The following GPC6 variants were observed in gnomAD, a reference collection of about 807,000 sequenced individuals.
GPC6 encodes the protein glypican-6.
In GPC6, 14 loss-of-function variants were observed where a neutral mutation model predicts 55.2. That is an observed-to-expected ratio of 0.25 (90% confidence interval 0.17 to 0.40). The LOEUF (loss-of-function observed/expected upper bound fraction) is 0.40. Among genes scored for constraint, GPC6 ranks in the 10% least tolerant of loss-of-function variants. The pLI is 1.00. For missense variants in GPC6, 641 were observed against 708.5 expected, an observed-to-expected ratio of 0.90 and a Z score of 1.08; for synonymous variants, 278 against 259.6, an observed-to-expected ratio of 1.07 and a Z score of -0.68.
chr13:93,515,467 T>G (rs1023764055), intron 1 of GPC6, among the ~76,000 whole-genome samples: 1 of 152,230 alleles, frequency 6.6e-6, no homozygotes. Flanking sequence ...CAGCAATTTC[T>G]TTTGGAGATG....
Position 93,879,587 on chromosome 13 carries a change from G to A in GPC6, c.711+49042G>A, listed in dbSNP as rs867163594. On this transcript the variant is annotated intron_variant, in intron 3 of 8. Transcript: ENST00000377047. ...TTCAAGATGGATTAAAGACTTAAAC[G>A]TTAGACCTAAAACCATAAAAACCCT... 2.7e-4 allele frequency among the ~76,000 whole-genome samples: 41 copies of A among 151,104 alleles called. No homozygotes were observed. The South Asian group carries it at 5.2e-3, about 19-fold the overall frequency.
intron 6 of GPC6, among the ~76,000 whole-genome samples, chr13:94,358,744 C>A (rs1281054182): frequency 2.6e-5 from 4 of 152,288 alleles, no homozygotes; most frequent in African/African-American, 9.6e-5. Flanking sequence ...TATGCCTTAA[C>A]CATTTTTGAT....
intron 4 of GPC6, among the ~76,000 whole-genome samples, chr13:94,117,725 A>G (rs1389407336): frequency 6.6e-6 from 1 of 152,114 alleles, no homozygotes; most frequent in Middle Eastern, 3.2e-3. Context: ...CCATGGACCA[A>G]CGGTCAATTC....
chr13:94,369,408 G>T (rs1879431148), intron 6 of GPC6, among the ~76,000 whole-genome samples: 1 of 152,200 alleles, frequency 6.6e-6, no homozygotes, highest in African/African-American at 2.4e-5. Flanking sequence ...AGACAGCCAT[G>T]GGCTGAAGGA....
At chr13:94,381,946 A>G (rs1309641327) in intron 6 of GPC6, among the ~76,000 whole-genome samples, 1 of 152,262 alleles carries the variant, frequency 6.6e-6, no homozygotes, top group Non-Finnish European at 1.5e-5. Flanking sequence ...CATAAGTACC[A>G]GCAGCTGAAT....
intron 2 of GPC6, among the ~76,000 whole-genome samples, chr13:93,698,347 C>G (rs903499203): frequency 2.6e-5 from 4 of 152,110 alleles, no homozygotes; most frequent in Non-Finnish European, 5.9e-5. Flanking sequence ...TGAAACAAAT[C>G]AGACTCTTGT....
intron 3 of GPC6, among the ~76,000 whole-genome samples, chr13:93,973,105 T>C (rs1397142750): frequency 6.6e-6 from 1 of 152,164 alleles, no homozygotes; most frequent in Non-Finnish European, 1.5e-5. Context: ...TTAGGTGATT[T>C]TGTCCTTGTG....
intron 3 of GPC6, among the ~76,000 whole-genome samples, chr13:93,966,798 A>G (rs1880067201): frequency 6.6e-6 from 1 of 151,770 alleles, no homozygotes; most frequent in East Asian, 1.9e-4. Context: ...CTACAGTCAC[A>G]TGCCACTACA....
intron 2 of GPC6, among the ~76,000 whole-genome samples, chr13:93,754,239 A>G (rs1388224305): frequency 1.3e-5 from 2 of 152,190 alleles, no homozygotes; most frequent in South Asian, 2.1e-4. Flanking sequence ...AGATATTTAT[A>G]TTAGCTCCAA....
chr13:93,972,943 CTG>C (rs1456616948), intron 3 of GPC6, among the ~76,000 whole-genome samples: 2 of 151,666 alleles, frequency 1.3e-5, no homozygotes, highest in South Asian at 4.2e-4. Context: ...CTCTCTCTCT[CTG>C]TCTTTCTCTC....
chr13:93,267,477 C>T (rs942700454), intron 1 of GPC6, among the ~76,000 whole-genome samples: 3 of 151,942 alleles, frequency 2.0e-5, no homozygotes, highest in South Asian at 2.1e-4. Flanking sequence ...GGAAGATTCA[C>T]GTGAAATTAC....
intron 6 of GPC6, among the ~76,000 whole-genome samples, chr13:94,371,187 A>G (rs1879526427): frequency 6.6e-6 from 1 of 152,196 alleles, no homozygotes; most frequent in Non-Finnish European, 1.5e-5. Flanking sequence ...TAATTGAGAA[A>G]TGGCGATCCC....
At chr13:93,696,164 T>C (rs1428589119) in intron 2 of GPC6, among the ~76,000 whole-genome samples, 1 of 152,190 alleles carries the variant, frequency 6.6e-6, no homozygotes, top group African/African-American at 2.4e-5. Context: ...GAAAATGTTA[T>C]ATTTCTATGC....
At chr13:93,573,197 G>A (rs61964252) in intron 2 of GPC6, among the ~76,000 whole-genome samples, 10,919 of 151,748 alleles carry the variant, frequency 0.072, 554 homozygotes, top group Non-Finnish European at 0.12. Flanking sequence ...GGATACAGAT[G>A]GTATGTGATG....
At chr13:93,851,253 T>G (rs1888384814) in intron 3 of GPC6, among the ~76,000 whole-genome samples, 1 of 151,994 alleles carries the variant, frequency 6.6e-6, no homozygotes, top group South Asian at 2.1e-4. Flanking sequence ...TACTATACTA[T>G]GTTTTTGTAT....
intron 4 of GPC6, among the ~76,000 whole-genome samples, chr13:94,167,592 AGT>A (rs748730981): frequency 1.7e-4 from 26 of 152,290 alleles, no homozygotes; most frequent in Admixed American, 1.1e-3. Flanking sequence ...AGGACAAAAG[AGT>A]GTATGGAAGG....
intron 3 of GPC6, among the ~76,000 whole-genome samples, chr13:93,895,383 A>G (rs1305378391): frequency 6.6e-6 from 1 of 151,152 alleles, no homozygotes; most frequent in East Asian, 1.9e-4. Flanking sequence ...ACAGAAATAG[A>G]GGCACATTAC....
At chr13:93,514,634 A>G (rs1795338739) in intron 1 of GPC6, among the ~76,000 whole-genome samples, 1 of 152,198 alleles carries the variant, frequency 6.6e-6, no homozygotes, top group Admixed American at 6.5e-5. Context: ...TTAGAATTTT[A>G]TTTCACTATT....
At chr13:93,526,375 G>A (rs551827012) in intron 1 of GPC6, among the ~76,000 whole-genome samples, 1 of 151,426 alleles carries the variant, frequency 6.6e-6, no homozygotes, top group East Asian at 1.9e-4. Flanking sequence ...ACTTTTCAGG[G>A]ATTAAAGATG....
Sources: gnomAD v4.1 joint callset for allele counts (sites outside exome capture counted in the v4.1 genomes callset) on GRCh38, gnomAD v4.1.1 for gene constraint, MANE v1.5 for transcripts, NCBI Gene and HGNC (gene_info 2026-07-23, HGNC 2026-07-21) for gene names.